IGFL4: variants seen among roughly 807,000 people sequenced by gnomAD.
The protein encoded by IGFL4 is insulin growth factor-like family member 4.
A neutral mutation model predicts 15.4 loss-of-function variants in IGFL4; 12 were observed. The ratio of observed to expected loss-of-function variants is 0.78; its 90% CI spans 0.50 to 1.26. The LOEUF (loss-of-function observed/expected upper bound fraction) is 1.26. Among genes scored for constraint, IGFL4 ranks in the 50% most tolerant of loss-of-function variants. The pLI, the probability that IGFL4 is intolerant of heterozygous loss-of-function variation, is 0.00. For missense variants in IGFL4, 126 were observed against 147.8 expected (o/e 0.85, Z 0.76); for synonymous variants, 54 against 55.9 (o/e 0.97, Z 0.16).
At chr19:46,056,349 C>A (rs1969392516) in intron 2 of IGFL4, among the ~76,000 whole-genome samples, 1 of 152,200 alleles carries the variant, frequency 6.6e-6, no homozygotes, top group African/African-American at 2.4e-5. Flanking sequence ...ACATTCTGAT[C>A]ATTGCCGAAA....
intron 1 of IGFL4, among the ~76,000 whole-genome samples, chr19:46,065,904 GT>G (rs1206522414): frequency 7.9e-5 from 12 of 152,174 alleles, no homozygotes; most frequent in Admixed American, 7.9e-4. Flanking sequence ...GTTGCTAGGA[GT>G]TTGGAAAAAA....
chr19:46,039,751 A>G lies in IGFL4; in HGVS notation c.*141T>C. 1 of 720,242 alleles carries G rather than the reference A, an allele frequency of 1.4e-6. No individual in the cohort carries two copies. The highest frequency in any genetic ancestry group is 2.5e-6 in the Non-Finnish European group (1 of 398,224). The allele number at this position is 720,242 out of a possible 1,614,324, so 44.6% of individuals were successfully genotyped here. On this transcript the variant is annotated 3_prime_UTR_variant, in exon 4 of 4. Transcript: ENST00000377697. ...TTTTGTACATTGATTTTGTATCCTG[A>G]GACTTTGCTGAAGTTGCTTATTTGC...
intron 2 of IGFL4, among the ~76,000 whole-genome samples, chr19:46,054,948 C>T (rs1339410909): frequency 6.6e-6 from 1 of 152,186 alleles, no homozygotes; most frequent in Non-Finnish European, 1.5e-5. Context: ...ATCCCTTTAT[C>T]ATCCTTCAGT....
At chr19:46,058,421 G>GT (rs1568714083) in intron 2 of IGFL4, 9 of 152,344 alleles carry the variant, frequency 5.9e-5, no homozygotes, top group Admixed American at 4.6e-4. Context: ...TTTCACTCCT[G>GT]GTGTTGAGTG....
intron 2 of IGFL4, among the ~76,000 whole-genome samples, chr19:46,047,852 G>A (rs932765934): frequency 6.6e-6 from 1 of 152,122 alleles, no homozygotes; most frequent in Non-Finnish European, 1.5e-5. Flanking sequence ...ACAAAGATCT[G>A]GTACAATTTC....
Position 46,039,692 on chromosome 19 carries a change from TTGTC to T in IGFL4, c.*196_*199del. On this transcript the variant is annotated 3_prime_UTR_variant, in exon 4 of 4. Transcript: ENST00000377697. ...GTTCACTCATGATTTGGCTCTCTGTTTGTCTGTTGTTGGTGTATAAGAATGCTTG... is the reference window on the plus strand; with the variant it reads ...GTTCACTCATGATTTGGCTCTCTGTTTGTTGTTGGTGTATAAGAATGCTTG... The T allele has an allele frequency of 2.1e-6, 1 of 482,180 alleles. No homozygotes were observed. Among genetic ancestry groups the T allele is most frequent in the Non-Finnish European group, 3.9e-6 (1 of 258,632 alleles). 29.9% of individuals were successfully genotyped at this position (482,180 alleles called of 1,614,324 possible).
At chr19:46,060,738 A>G (rs1402167020) in intron 1 of IGFL4, among the ~76,000 whole-genome samples, 1 of 152,228 alleles carries the variant, frequency 6.6e-6, no homozygotes, top group Non-Finnish European at 1.5e-5. Flanking sequence ...TTGGGAACAC[A>G]TACCAATACA....
chr19:46,059,304 C>G (rs76902473), intron 2 of IGFL4: 5 of 152,076 alleles, frequency 3.3e-5, no homozygotes, highest in Non-Finnish European at 5.9e-5. Flanking sequence ...CTCCCTTTTA[C>G]AAGGCAACTC....
At chr19:46,041,034 T>A, upstream of IGFL4, 1 of 1,419,090 alleles carries the variant, frequency 7.0e-7, no homozygotes, top group South Asian at 1.3e-5. Context: ...TAGGGGCTTA[T>A]ATAGGATATG....
chr19:46,058,355 C>T (rs1282111686), intron 2 of IGFL4: 1 of 152,110 alleles, frequency 6.6e-6, no homozygotes, highest in Admixed American at 6.5e-5. Context: ...AGTTATGCTG[C>T]AAGAGGTGGG....
At chr19:46,061,988 G>C (rs1969449809) in intron 1 of IGFL4, among the ~76,000 whole-genome samples, 1 of 152,132 alleles carries the variant, frequency 6.6e-6, no homozygotes, top group South Asian at 2.1e-4. Flanking sequence ...AAACAGAACA[G>C]AGTCTTCGAT....
chr19:46,044,737 C>T (rs958901489), upstream of IGFL4, among the ~76,000 whole-genome samples: 4 of 152,260 alleles, frequency 2.6e-5, no homozygotes, highest in Non-Finnish European at 2.9e-5. Context: ...CCTACAGGGA[C>T]GTTTGGGTCA....
At chr19:46,046,720 A>G (rs865774149) in intron 2 of IGFL4, among the ~76,000 whole-genome samples, 1 of 152,264 alleles carries the variant, frequency 6.6e-6, no homozygotes, top group African/African-American at 2.4e-5. Flanking sequence ...TATCCTAAAT[A>G]TATATGCATC....
chr19:46,040,255 C>G lies in IGFL4; in HGVS notation c.232G>C (p.Glu78Gln). ...GTCTGGTTCTGAGAGCCCAAAGACT[C>G]CAGGCAGCAGTGCTGGAAGCAGGGC... is the stretch of plus-strand genomic sequence containing the variant. ...FWPCFQHCCL[E>Q]SLGSQNQTVV... is the part of the protein sequence containing the mutation. The change falls in exon 3 of 4, where the codon GAG becomes CAG. Residue 78 changes from glutamate (E) to glutamine (Q), a missense_variant. Glu to Gln is a conservative substitution (Grantham distance 29). Transcript: ENST00000377697. This position sits in a 1 kb window ranked among gnomAD's most constrained non-coding sequence, Gnocchi z 4.1. 3 of 1,614,192 alleles carry G rather than the reference C, an allele frequency of 1.9e-6. No homozygotes were observed. Among genetic ancestry groups the G allele is most frequent in the Non-Finnish European group, 2.5e-6 (3 of 1,180,036 alleles).
intron 1 of IGFL4, among the ~76,000 whole-genome samples, chr19:46,073,525 C>T (rs1021197874): frequency 1.3e-5 from 2 of 152,154 alleles, no homozygotes; most frequent in African/African-American, 4.8e-5. Flanking sequence ...AGGTCTAGGC[C>T]CTCTGTGTGA....
At chr19:46,066,409 C>T (rs1024660793) in intron 1 of IGFL4, among the ~76,000 whole-genome samples, 1 of 152,208 alleles carries the variant, frequency 6.6e-6, no homozygotes, top group Admixed American at 6.5e-5. Flanking sequence ...TCCATGAAAG[C>T]TCTCTCTACT....
intron 1 of IGFL4, among the ~76,000 whole-genome samples, chr19:46,069,185 G>A (rs1969522327): frequency 1.3e-5 from 2 of 152,246 alleles, no homozygotes; most frequent in South Asian, 4.1e-4. Flanking sequence ...CACCTCAGAG[G>A]CCAGGCACTG....
At chr19:46,042,489 G>A (rs1313213454), upstream of IGFL4, among the ~76,000 whole-genome samples, 1 of 152,196 alleles carries the variant, frequency 6.6e-6, no homozygotes, top group Non-Finnish European at 1.5e-5. Flanking sequence ...TGACTAAGGA[G>A]GGAAATCCCA....
chr19:46,057,229 T>C (rs1360228186), intron 2 of IGFL4, among the ~76,000 whole-genome samples: 1 of 152,112 alleles, frequency 6.6e-6, no homozygotes, highest in Non-Finnish European at 1.5e-5. Context: ...GTTTTTTTCT[T>C]GTGGGGCAGG....
Sources: allele counts gnomAD v4.1 joint callset (sites outside exome capture counted in the v4.1 genomes callset), GRCh38; gene constraint gnomAD v4.1.1; non-coding constraint Gnocchi (gnomAD v3.1); transcripts MANE v1.5; gene names NCBI Gene and HGNC (gene_info 2026-07-23, HGNC 2026-07-21).